The following TCERG1L variants were observed in gnomAD, a reference collection of about 807,000 sequenced individuals.
TCERG1L encodes the protein transcription elongation regulator 1-like protein.
TCERG1L carries 37 observed loss-of-function variants against 56.3 expected under a neutral mutation model. The ratio of observed to expected loss-of-function variants is 0.66; its 90% confidence interval spans 0.51 to 0.87. The LOEUF (loss-of-function observed/expected upper bound fraction) is 0.87. Among genes scored for constraint, TCERG1L ranks in the 40% least tolerant of loss-of-function variants. The pLI is 0.00. For missense variants in TCERG1L, 799 were observed against 774.2 expected (o/e 1.03, Z -0.38); for synonymous variants, 324 against 326.3 (o/e 0.99, Z 0.08).
chr10:131,297,353 T>C (rs1284656015), intron 3 of TCERG1L, among the ~76,000 whole-genome samples: 1 of 152,196 alleles, frequency 6.6e-6, no homozygotes, highest in Non-Finnish European at 1.5e-5. Flanking sequence ...TCCCTTCTTT[T>C]GATAAACAGC....
chr10:131,159,377 C>CT (rs1391563583), intron 6 of TCERG1L, among the ~76,000 whole-genome samples: 2 of 152,180 alleles, frequency 1.3e-5, no homozygotes, highest in African/African-American at 4.8e-5. Flanking sequence ...CCAATGCCTC[C>CT]TTAGTCCTGG....
intron 4 of TCERG1L, among the ~76,000 whole-genome samples, chr10:131,233,082 G>A (rs540749023): frequency 1.3e-5 from 2 of 152,326 alleles, no homozygotes; most frequent in Non-Finnish European, 2.9e-5. Context: ...TTGGTCAGAC[G>A]ATGTTAGCGT....
intron 9 of TCERG1L, among the ~76,000 whole-genome samples, chr10:131,105,874 G>A (rs1371833329): frequency 6.6e-6 from 1 of 152,238 alleles, no homozygotes; most frequent in African/African-American, 2.4e-5. Context: ...GCCTTGGCGA[G>A]CTCCCGTGGT....
rs1846294453 is a variant in TCERG1L at position 131,267,009 on chromosome 10, C to T, written c.671-6565G>A. 6.6e-6 allele frequency among the ~76,000 whole-genome samples: 1 copy of T among 152,064 alleles called. No individual in the cohort carries two copies. The highest frequency in any genetic ancestry group is 2.4e-5 in the African/African-American group (1 of 41,418). On this transcript the variant is annotated intron_variant, in intron 3 of 11. Transcript: ENST00000368642. This position sits in a 1 kb window ranked among gnomAD's most constrained non-coding sequence, Gnocchi z 4.9. ...TCCCTACTCCAGTCCAGAGGACTGG[C>T]AACCGGCCCCCAGCCTTCAGGTCCT...
chr10:131,241,375 C>T (rs534051635), intron 4 of TCERG1L, among the ~76,000 whole-genome samples: 12 of 152,262 alleles, frequency 7.9e-5, no homozygotes, highest in African/African-American at 2.6e-4. Context: ...TCCTGATGCC[C>T]GGGAACCTGT....
chr10:131,284,439 C>A (rs563578468), intron 3 of TCERG1L, among the ~76,000 whole-genome samples: 4 of 151,464 alleles, frequency 2.6e-5, no homozygotes, highest in Non-Finnish European at 5.9e-5. Flanking sequence ...AGCCTTAAAT[C>A]TTTTATGAAA....
intron 3 of TCERG1L, among the ~76,000 whole-genome samples, chr10:131,297,347 T>C (rs1487037794): frequency 6.6e-6 from 1 of 152,220 alleles, no homozygotes; most frequent in Non-Finnish European, 1.5e-5. Flanking sequence ...ATTACTTCCC[T>C]TCTTTTGATA....
chr10:131,278,159 G>C (rs894086565), intron 3 of TCERG1L, among the ~76,000 whole-genome samples: 1 of 151,344 alleles, frequency 6.6e-6, no homozygotes, highest in Non-Finnish European at 1.5e-5. Flanking sequence ...TCCTTCACCT[G>C]ACTCTGAAAC....
chr10:131,139,751 CAT>C (rs1171708644), intron 7 of TCERG1L, among the ~76,000 whole-genome samples: 1 of 148,874 alleles, frequency 6.7e-6, no homozygotes, highest in Non-Finnish European at 1.5e-5. Context: ...TGTATGTGTA[CAT>C]GTGTGTTTCT....
chr10:131,182,371 G>A (rs1845190066), intron 4 of TCERG1L, among the ~76,000 whole-genome samples: 1 of 152,202 alleles, frequency 6.6e-6, no homozygotes, highest in Non-Finnish European at 1.5e-5. Context: ...GTCCCTAGCT[G>A]GGGAGCTAGC....
In TCERG1L at chr10:131,112,708, T is replaced by G. The variant is rs1006847808; in HGVS notation, c.1395+4091A>C. On this transcript the variant is annotated intron_variant, in intron 9 of 11. Coordinates refer to ENST00000368642, the MANE Select transcript of TCERG1L (RefSeq NM_174937.4). Reference sequence around the variant, plus strand: ...CGCTCAGATCCCTAAAGAAACAGTATGGCAATGGCCCGGCTGCAGGCATTT... The same window carrying G: ...CGCTCAGATCCCTAAAGAAACAGTAGGGCAATGGCCCGGCTGCAGGCATTT... Among the ~76,000 whole-genome samples the G allele has an allele frequency of 1.4e-5, 2 of 142,050 alleles. 1 individual carries two copies. The highest frequency in any genetic ancestry group is 3.2e-5 in the Non-Finnish European group (2 of 63,156). The allele number at this position is 142,050 out of a possible 152,430, so 93.2% of individuals were successfully genotyped here. A position where few individuals can be genotyped will look rare whatever the true frequency, so the allele number is the denominator to read the frequency against.
chr10:131,162,669 A>G (rs1845990381), intron 6 of TCERG1L: 1 of 154,384 alleles, frequency 6.5e-6, no homozygotes, highest in African/African-American at 2.4e-5. Flanking sequence ...AAAACCAAAA[A>G]CTGTAGCTCC....
At chr10:131,182,635 C>T (rs564652810) in intron 4 of TCERG1L, among the ~76,000 whole-genome samples, 7 of 152,282 alleles carry the variant, frequency 4.6e-5, no homozygotes, top group African/African-American at 1.4e-4. Context: ...TTATGGTAGC[C>T]TGTGATTTAT....
intron 3 of TCERG1L, among the ~76,000 whole-genome samples, chr10:131,299,536 T>C (rs370641785): frequency 3.2e-4 from 49 of 152,240 alleles, no homozygotes; most frequent in African/African-American, 1.2e-3. Flanking sequence ...ATAAAGTATA[T>C]CTTCATCTTA....
chr10:131,197,135 G>C (rs548106213), intron 4 of TCERG1L, among the ~76,000 whole-genome samples: 1 of 151,796 alleles, frequency 6.6e-6, no homozygotes, highest in East Asian at 2.0e-4. Flanking sequence ...CTGGGACCCT[G>C]CTCAGTTTTC....
At chr10:131,201,539 T>C (rs1845434893) in intron 4 of TCERG1L, among the ~76,000 whole-genome samples, 1 of 152,172 alleles carries the variant, frequency 6.6e-6, no homozygotes, top group Non-Finnish European at 1.5e-5. Context: ...TTACTTACTA[T>C]TTTAACAAAC....
chr10:131,196,298 C>T (rs1377446476), intron 4 of TCERG1L, among the ~76,000 whole-genome samples: 1 of 152,198 alleles, frequency 6.6e-6, no homozygotes, highest in Non-Finnish European at 1.5e-5. Context: ...TCAATGATCA[C>T]TGTCCCTGCT....
rs1845794375 is a variant in TCERG1L, at chr10:131,146,382, A to C, written c.1189+124T>G. ...TGATTACTAAACTCTGCAATCGGGC[A>C]CAGGATTCCTTAATAGTCAATTTTC... On this transcript the variant is annotated intron_variant, in intron 7 of 11. Coordinates refer to ENST00000368642, the MANE Select transcript of TCERG1L (RefSeq NM_174937.4). The C allele has an allele frequency of 3.6e-6, 4 of 1,121,602 alleles. No homozygotes were observed. In the East Asian group the frequency reaches 1.0e-4, roughly 28 times the overall value. The allele number at this position is 1,121,602 out of a possible 1,614,324, so 69.5% of individuals were successfully genotyped here. A position where few individuals can be genotyped will look rare whatever the true frequency, so the allele number is the denominator to read the frequency against.
chr10:131,094,174 G>A (rs931872494), intron 11 of TCERG1L, among the ~76,000 whole-genome samples: 3 of 152,246 alleles, frequency 2.0e-5, no homozygotes, highest in Non-Finnish European at 4.4e-5. Flanking sequence ...TCTTAGCCTT[G>A]AACTTGAAGC....
Sources: allele counts gnomAD v4.1 joint callset (sites outside exome capture counted in the v4.1 genomes callset), GRCh38; gene constraint gnomAD v4.1.1; non-coding constraint Gnocchi (gnomAD v3.1); transcripts MANE v1.5; gene names NCBI Gene and HGNC (gene_info 2026-07-23, HGNC 2026-07-21).